Variants in NUP210L observed in about 807,000 individuals in gnomAD.
The protein encoded by NUP210L is nuclear pore membrane glycoprotein 210-like.
NUP210L carries 74 observed loss-of-function variants against 208.5 expected under a neutral mutation model. The ratio of observed to expected loss-of-function variants is 0.35; its 90% CI spans 0.29 to 0.43. NUP210L has a LOEUF of 0.43. NUP210L is among the 20% of genes least tolerant of loss of function. The probability of loss-of-function intolerance (pLI) is 1.00; values close to 1 mark genes in which losing one functional copy is unlikely to be tolerated. For missense variants in NUP210L, 1,843 were observed against 2,289.4 expected, an observed-to-expected ratio of 0.81 and a Z score of 3.98; for synonymous variants, 780 against 816.9, an observed-to-expected ratio of 0.95 and a Z score of 0.77.
intron 3 of NUP210L, 43 bp from the exon 4 acceptor site, chr1:154,141,567 T>A: frequency 8.5e-7 from 1 of 1,173,280 alleles, no homozygotes; most frequent in Non-Finnish European, 1.3e-6. Context: ...ATCACGTATT[T>A]AAAAATATTC....
intron 24 of NUP210L, 139 bp from the exon 25 acceptor site, chr1:154,054,546 C>T (rs899517137): frequency 2.4e-6 from 2 of 842,870 alleles, no homozygotes; most frequent in Non-Finnish European, 3.7e-6. Context: ...AACTCAAATG[C>T]AGAAGAAATG....
At chr1:154,000,653 C>A (rs924110680) in intron 37 of NUP210L, among the ~76,000 whole-genome samples, 1 of 152,166 alleles carries the variant, frequency 6.6e-6, no homozygotes, top group Non-Finnish European at 1.5e-5. Flanking sequence ...GGGACCAGAG[C>A]AGGACAGTGT....
exon 10 of NUP210L, chr1:154,126,452 A>T: frequency 6.2e-7 from 1 of 1,608,238 alleles, no homozygotes; most frequent in Non-Finnish European, 8.5e-7. Context: ...AGTCGTATGT[A>T]ATCCTGAGAT....
intron 17 of NUP210L, among the ~76,000 whole-genome samples, chr1:154,065,957 G>A (rs1349220573): frequency 6.9e-6 from 1 of 144,090 alleles, no homozygotes; most frequent in African/African-American, 2.6e-5. Flanking sequence ...TCAGATATAC[G>A]ATTAAGAAAC....
intron 13 of NUP210L, among the ~76,000 whole-genome samples, chr1:154,101,427 A>G (rs1471335393): frequency 6.6e-6 from 1 of 152,006 alleles, no homozygotes; most frequent in Non-Finnish European, 1.5e-5. Flanking sequence ...CAGTGAGCCA[A>G]GACGTGCCAT....
chr1:153,995,895 C>T (rs878871974), intron 37 of NUP210L: 1 of 550,546 alleles, frequency 1.8e-6, no homozygotes, highest in Non-Finnish European at 3.5e-6. Context: ...CAAGTGTGCT[C>T]TCCTTATCGA....
chr1:153,994,198 A>T (rs1649680599), intron 38 of NUP210L, among the ~76,000 whole-genome samples: 1 of 152,116 alleles, frequency 6.6e-6, no homozygotes. Flanking sequence ...TACTTGAATT[A>T]TCCCTAACTA....
At chr1:154,017,859 G>A (rs569663720) in intron 33 of NUP210L, among the ~76,000 whole-genome samples, 2 of 152,138 alleles carry the variant, frequency 1.3e-5, no homozygotes, top group Admixed American at 1.3e-4. Context: ...TTCTCTCAGA[G>A]CTCCCTTTTT....
chr1:154,068,548 T>G (rs955547397), intron 17 of NUP210L, among the ~76,000 whole-genome samples: 1 of 151,854 alleles, frequency 6.6e-6, no homozygotes, highest in African/African-American at 2.4e-5. Context: ...GGTGTGGTGG[T>G]GGGCGCCTGT....
chr1:154,014,050 C>T (rs1651110380), intron 33 of NUP210L, among the ~76,000 whole-genome samples: 1 of 152,146 alleles, frequency 6.6e-6, no homozygotes, highest in Admixed American at 6.6e-5. Context: ...CAGGTGTGAG[C>T]CACCATGCCC....
At chr1:154,068,126 G>A (rs1281205998) in intron 17 of NUP210L, among the ~76,000 whole-genome samples, 6 of 152,030 alleles carry the variant, frequency 3.9e-5, no homozygotes, top group African/African-American at 1.2e-4. Flanking sequence ...ACATTGCCAA[G>A]ACAATCCTAA....
At chr1:154,132,622 GA>G (rs755826052) in intron 7 of NUP210L, among the ~76,000 whole-genome samples, 2 of 151,824 alleles carry the variant, frequency 1.3e-5, no homozygotes, top group Non-Finnish European at 1.5e-5. Flanking sequence ...TGATACTTTG[GA>G]AAAAAATAAC....
chr1:154,135,724 A>G, intron 7 of NUP210L, 90 bp downstream of exon 7: 1 of 1,254,090 alleles, frequency 8.0e-7, no homozygotes, highest in Non-Finnish European at 1.2e-6. Context: ...CCCGGCCATA[A>G]TCATTCTTAA....
rs536601930 is a variant in NUP210L at position 154,116,319 on chromosome 1, G to A, written c.1620+1406C>T. Among the ~76,000 whole-genome samples the A allele has an allele frequency of 5.9e-5, 9 of 151,774 alleles. No individual in the cohort carries two copies. The South Asian group carries it at 1.5e-3, about 25-fold the overall frequency. ...GGTGCCTGTAGTCCCAGCTACTCAG[G>A]AGGCTGAGGCAGGAGAATTGCTTGA... On this transcript the variant is annotated intron_variant, in intron 12 of 39. Coordinates refer to ENST00000368559, the Ensembl canonical transcript of NUP210L.
intron 32 of NUP210L, among the ~76,000 whole-genome samples, chr1:154,021,322 A>G (rs537220025): frequency 2.9e-4 from 44 of 152,104 alleles, no homozygotes; most frequent in Non-Finnish European, 5.3e-4. Context: ...AACCCCTTGT[A>G]TAAAAAATAT....
At chr1:154,071,627 CTTTTTTTTTTTTT>C (rs893742878) in intron 16 of NUP210L, among the ~76,000 whole-genome samples, 2 of 99,798 alleles carry the variant, frequency 2.0e-5, no homozygotes, top group African/African-American at 8.7e-5. Flanking sequence ...CAATTCATTC[CTTTTTTTTTTTTT>C]TTTTTTTTTT....
At chr1:154,069,234 GA>G in intron 17 of NUP210L, among the ~76,000 whole-genome samples, 1 of 152,234 alleles carries the variant, frequency 6.6e-6, no homozygotes, top group East Asian at 1.9e-4. Context: ...CACAGCCAGA[GA>G]AACTACCATC....
chr1:154,153,726 G>A (rs1355588415), intron 1 of NUP210L, among the ~76,000 whole-genome samples: 8 of 152,162 alleles, frequency 5.3e-5, no homozygotes, highest in Non-Finnish European at 1.2e-4. Context: ...GATTACAGGC[G>A]TGAGCCACCA....
chr1:154,109,818 A>G (rs1297220324), intron 12 of NUP210L, among the ~76,000 whole-genome samples: 1 of 151,652 alleles, frequency 6.6e-6, no homozygotes, highest in Non-Finnish European at 1.5e-5. Flanking sequence ...CAATGAAGAA[A>G]TTAAGAAAGA....
Sources: allele counts gnomAD v4.1 joint callset (sites outside exome capture counted in the v4.1 genomes callset), GRCh38; gene constraint gnomAD v4.1.1; transcripts MANE v1.5; gene names NCBI Gene and HGNC (gene_info 2026-07-23, HGNC 2026-07-21).